ZNF292: variants seen among roughly 807,000 people sequenced by gnomAD.
ZNF292 encodes the protein 16 zinc-finger domain protein.
Under a neutral mutation model 217.9 loss-of-function variants are expected in ZNF292, and 26 were observed. The observed-to-expected ratio is 0.12, with a 90% CI of 0.09 to 0.17. The LOEUF is 0.17. ZNF292 is among the 10% of genes least tolerant of loss of function. The pLI is 1.00. For missense variants in ZNF292, 2,904 were observed against 3,175.2 expected, an observed-to-expected ratio of 0.91 and a Z score of 2.05; for synonymous variants, 1,257 against 1,124.1, an observed-to-expected ratio of 1.12 and a Z score of -2.37.
chr6:87,254,535 T>A, intron 7 of ZNF292, 115 bp from the exon 8 acceptor site: 1 of 984,310 alleles, frequency 1.0e-6, no homozygotes, highest in South Asian at 1.7e-5. Context: ...AATCCTTTCA[T>A]AAGTTGCTAT....
chr6:87,191,124 A>G (rs1771809298), intron 1 of ZNF292, among the ~76,000 whole-genome samples: 1 of 152,126 alleles, frequency 6.6e-6, no homozygotes, highest in African/African-American at 2.4e-5. Context: ...ATATCAGTGT[A>G]TTCAAAGCTA....
intron 4 of ZNF292, among the ~76,000 whole-genome samples, chr6:87,219,644 C>G (rs1444658457): frequency 1.3e-5 from 2 of 152,180 alleles, no homozygotes; most frequent in African/African-American, 2.4e-5. Flanking sequence ...GTTATTCCTA[C>G]TGGATTTCTG....
intron 3 of ZNF292, 69 bp from the exon 4 acceptor site, chr6:87,218,527 T>A: frequency 7.4e-7 from 1 of 1,353,146 alleles, no homozygotes; most frequent in South Asian, 1.6e-5. Context: ...TAGTGTTATA[T>A]TTAAAGCCTG....
chr6:87,235,272 G>A (rs1407976164), intron 5 of ZNF292, among the ~76,000 whole-genome samples: 1 of 152,056 alleles, frequency 6.6e-6, no homozygotes, highest in African/African-American at 2.4e-5. Flanking sequence ...TAGTTATTGT[G>A]CTGCTGCTTC....
intron 4 of ZNF292, among the ~76,000 whole-genome samples, chr6:87,222,061 TA>T (rs2127809513): frequency 6.6e-6 from 1 of 152,316 alleles, no homozygotes; most frequent in African/African-American, 2.4e-5. Context: ...TGTACAAGTG[TA>T]TTACCTTTTT....
Position 87,260,212 on chromosome 6 carries a change from A to G in ZNF292, c.6583A>G (p.Lys2195Glu). 1 of 1,613,660 alleles carries G rather than the reference A, an allele frequency of 6.2e-7. No homozygotes were observed. The change falls in exon 8 of 8, where the codon AAA (lysine) becomes GAA (glutamate). Residue 2195 changes from lysine to glutamate, a missense_variant. Lys to Glu is a moderately conservative substitution (Grantham distance 56). Around this residue, in one of 15 missense-constraint regions of ZNF292, gnomAD observed 261 missense variants for 272.8 expected, o/e 0.96. Coordinates refer to ENST00000369577, the MANE Select transcript of ZNF292 (RefSeq NM_015021.3). ...TACTGGCCTAATACAACACTACATG[A>G]AACTTCATGAAATGACTCCTGAAGA... ...AITGLIQHYM[K>E]LHEMTPEEIE... is the part of the protein sequence containing the mutation.
chr6:87,209,085 C>T (rs1772368212), intron 1 of ZNF292, among the ~76,000 whole-genome samples: 1 of 129,482 alleles, frequency 7.7e-6, no homozygotes, highest in Admixed American at 8.3e-5. Flanking sequence ...CCAGTTATCT[C>T]ATTTTTAGCC....
chr6:87,215,910 T>C lies in ZNF292; in HGVS notation c.176T>C (p.Leu59Pro). Reference protein sequence around the residue: ...DYCQQLCQTLLEYAEKWKTSE... With the variant: ...DYCQQLCQTLPEYAEKWKTSE... ...TTATTCCTTCCAAAACAGACACTCC[T>C]AGAATATGCAGAGAAATGGAAAACT... The change falls in exon 2 of 8, where the codon CTA becomes CCA. Residue 59 changes from leucine (L) to proline (P), a missense_variant. This residue lies in a region of ZNF292 where 313 missense variants were observed against 451.0 expected (regional missense o/e 0.69). Transcript: ENST00000369577. 1 of 1,598,966 alleles carries C rather than the reference T, an allele frequency of 6.3e-7. No homozygotes were observed. Among genetic ancestry groups the C allele is most frequent in the South Asian group, 1.1e-5 (1 of 88,632 alleles).
chr6:87,175,419 T>C (rs1349532766), intron 1 of ZNF292, among the ~76,000 whole-genome samples: 1 of 152,190 alleles, frequency 6.6e-6, no homozygotes, highest in African/African-American at 2.4e-5. Flanking sequence ...ACCTGCAGCC[T>C]TGAACTCCTG....
chr6:87,260,850 T>C lies in ZNF292; in HGVS notation c.7221T>C (p.Tyr2407=). 2.5e-6 allele frequency: 4 copies of C among 1,611,146 alleles called. No individual in the cohort carries two copies. The highest frequency in any genetic ancestry group is 3.4e-6 in the Non-Finnish European group (4 of 1,178,440). The change falls in exon 8 of 8, where the codon TAT becomes TAC. Residue 2407 remains tyrosine (Y), a synonymous_variant. Transcript: ENST00000369577. ...VTSESNIIRH[Y]KCHKLSKAFT... ...GTGAAAGCAATATAATTAGACATTA[T>C]AAGTGCCATAAATTATCTAAGGCAT... is the stretch of plus-strand genomic sequence containing the variant.
intron 1 of ZNF292, among the ~76,000 whole-genome samples, chr6:87,166,919 A>G (rs1395960280): frequency 2.6e-5 from 4 of 152,060 alleles, no homozygotes; most frequent in Non-Finnish European, 5.9e-5. Flanking sequence ...TTGTCCTCAG[A>G]TATTAACACT....
At chr6:87,243,223 G>A (rs1160008308) in intron 5 of ZNF292, among the ~76,000 whole-genome samples, 2 of 150,260 alleles carry the variant, frequency 1.3e-5, no homozygotes, top group African/African-American at 2.5e-5. Context: ...TTGGTTCTCC[G>A]GTGTTTCTTA....
chr6:87,257,736 T>C lies in ZNF292; in HGVS notation c.4107T>C (p.Ile1369=), dbSNP rs1337401382. ...ACAAAAGGGCTAAATGGCCTGCAAT[T>C]ATCAGAGATGGGAAATTTATCTGTA... The part of the protein sequence containing the change: ...KHNKRAKWPA[I]IRDGKFICSR... The change falls in exon 8 of 8, where the codon ATT becomes ATC. Residue 1369 remains isoleucine (I), a synonymous_variant. Transcript: ENST00000369577. The C allele has an allele frequency of 6.8e-6, 11 of 1,613,668 alleles. No homozygotes were observed. The highest frequency in any genetic ancestry group is 9.3e-6 in the Non-Finnish European group (11 of 1,179,760).
chr6:87,177,088 GA>G (rs1771325961), intron 1 of ZNF292, among the ~76,000 whole-genome samples: 1 of 152,112 alleles, frequency 6.6e-6, no homozygotes, highest in Non-Finnish European at 1.5e-5. Context: ...AGCACTTTGG[GA>G]GGCCGAGGTG....
chr6:87,232,169 G>A (rs887555365), intron 4 of ZNF292, among the ~76,000 whole-genome samples: 1 of 152,064 alleles, frequency 6.6e-6, no homozygotes, highest in African/African-American at 2.4e-5. Flanking sequence ...TTAGATTTGA[G>A]ATCTTGTGTT....
intron 1 of ZNF292, among the ~76,000 whole-genome samples, chr6:87,210,776 T>A (rs1284916837): frequency 6.6e-6 from 1 of 151,550 alleles, no homozygotes; most frequent in Non-Finnish European, 1.5e-5. Context: ...CAAGACTCTG[T>A]CTCAAAAACA....
rs374031298 is a variant in ZNF292, at chr6:87,255,056, G to A, written c.1427G>A (p.Ser476Asn). 2.7e-5 allele frequency: 43 copies of A among 1,613,708 alleles called. No homozygotes were observed. In the African/African-American group the frequency reaches 5.1e-4, roughly 19 times the overall value. ...IVSSIDELND[S>N]EVYEKVVDYQ... ...TCTTCAATAGATGAACTAAATGACA[G>A]TGAAGTATATGAAAAAGTGGTAGAC... is the stretch of plus-strand genomic sequence containing the variant. The change falls in exon 8 of 8, where the codon AGT becomes AAT. Residue 476 changes from serine to asparagine, a missense_variant. Coordinates refer to ENST00000369577, the MANE Select transcript of ZNF292 (RefSeq NM_015021.3).
At chr6:87,171,530 A>G (rs1233737327) in intron 1 of ZNF292, among the ~76,000 whole-genome samples, 1 of 152,104 alleles carries the variant, frequency 6.6e-6, no homozygotes, top group African/African-American at 2.4e-5. Flanking sequence ...ATTACAGAGT[A>G]ATTGTTAGCT....
rs766406216 is a variant in ZNF292, at chr6:87,256,955, A to G, written c.3326A>G (p.Tyr1109Cys). Reference protein sequence around the residue: ...SCQVEGCTRTYNSSQSIGKHM... With the variant: ...SCQVEGCTRTCNSSQSIGKHM... ...CAGGTCGAGGGATGTACTCGAACCT[A>G]TAATTCTTCACAGAGTATTGGGAAA... Residue 1109 changes from tyrosine (Y) to cysteine (C), a missense_variant, in exon 8 of 8, where the codon TAT becomes TGT. This residue lies in a region of ZNF292 where 687 missense variants were observed against 623.0 expected (regional missense o/e 1.10). Coordinates refer to ENST00000369577, the MANE Select transcript of ZNF292 (RefSeq NM_015021.3). The G allele has an allele frequency of 3.1e-6, 5 of 1,613,728 alleles. No homozygotes were observed. The highest frequency in any genetic ancestry group is 3.3e-5 in the Admixed American group (2 of 59,932).
Sources: gnomAD v4.1 joint callset for allele counts (sites outside exome capture counted in the v4.1 genomes callset) on GRCh38, gnomAD v4.1.1 for gene constraint, gnomAD v4.1.1 regional missense constraint, MANE v1.5 for transcripts, NCBI Gene and HGNC (gene_info 2026-07-23, HGNC 2026-07-21) for gene names.